OR5AS1: variants seen among roughly 807,000 people sequenced by gnomAD.
OR5AS1 encodes the protein olfactory receptor 5AS1.
For missense variants in OR5AS1, 492 were observed against 378.2 expected (o/e 1.30, Z -2.50); for synonymous variants, 196 against 141.7 (o/e 1.38, Z -2.72).
In OR5AS1 at chr11:56,037,424, A is replaced by G. The variant is rs957826640; in HGVS notation, c.*6031A>G. On this transcript the variant is annotated 3_prime_UTR_variant, in exon 2 of 2. Coordinates refer to ENST00000641320, the MANE Select transcript of OR5AS1 (RefSeq NM_001001921.2). The stretch of plus-strand genomic sequence containing the variant: ...AGCAACTTCAGCAAAATGTCAGGAT[A>G]CAAAATCAATGTGCAAAAATCACAA... 10 of 152,178 alleles carry G rather than the reference A, an allele frequency of 6.6e-5. No homozygotes were observed. The highest frequency in any genetic ancestry group is 5.9e-5 in the Non-Finnish European group (4 of 68,044). 9.4% of individuals were successfully genotyped at this position (152,178 alleles called of 1,614,324 possible). A position where few individuals can be genotyped will look rare whatever the true frequency, so the allele number is the denominator to read the frequency against.
Position 56,038,021 on chromosome 11 carries a change from A to C in OR5AS1, c.*6628A>C, listed in dbSNP as rs992103361. The C allele has an allele frequency of 6.6e-6, 1 of 152,194 alleles. No individual in the cohort carries two copies. The highest frequency in any genetic ancestry group is 2.4e-5 in the African/African-American group (1 of 41,410). The allele number at this position is 152,194 out of a possible 1,614,324, so 9.4% of individuals were successfully genotyped here. On this transcript the variant is annotated 3_prime_UTR_variant, in exon 2 of 2. Transcript: ENST00000641320. ...CCTGACAAAAACAAGCAATGAGGAA[A>C]GGATTCCCTATTTAATAAATGGTGT...
At position 56,033,334 on chromosome 11, in the gene OR5AS1, A is replaced by C. The variant is rs900021713; in HGVS notation, c.*1941A>C. On this transcript the variant is annotated 3_prime_UTR_variant, in exon 2 of 2. Coordinates refer to ENST00000641320, the MANE Select transcript of OR5AS1 (RefSeq NM_001001921.2). ...AGGGAGCCAAGTGGTCTAGCTCAGC[A>C]GATCCCACCCCCATGGAGCCCAGCA... The C allele has an allele frequency of 6.5e-6, 1 of 153,102 alleles. No individual in the cohort carries two copies. Among genetic ancestry groups the C allele is most frequent in the Admixed American group, 6.5e-5 (1 of 15,276 alleles). The allele number at this position is 153,102 out of a possible 1,614,324, so 9.5% of individuals were successfully genotyped here.
chr11:56,028,511 G>C (rs1355887765), intron 1 of OR5AS1, among the ~76,000 whole-genome samples: 1 of 152,056 alleles, frequency 6.6e-6, no homozygotes, highest in Non-Finnish European at 1.5e-5. Context: ...AGCAAATAAA[G>C]TTTATTAATA....
In OR5AS1 at chr11:56,034,972, T is replaced by C. The variant is rs529856198; in HGVS notation, c.*3579T>C. On this transcript the variant is annotated 3_prime_UTR_variant, in exon 2 of 2. Transcript: ENST00000641320. Reference sequence around the variant, plus strand: ...GTGAGTGGGGGCCAATATCCAACAGTCTTAAAGAAAAGAATTTTAAATGCA... The same window carrying C: ...GTGAGTGGGGGCCAATATCCAACAGCCTTAAAGAAAAGAATTTTAAATGCA... 6.6e-6 allele frequency: 1 copy of C among 152,126 alleles called. No homozygotes were observed. The highest frequency in any genetic ancestry group is 2.4e-5 in the African/African-American group (1 of 41,454). 9.4% of individuals were successfully genotyped at this position (152,126 alleles called of 1,614,324 possible).
In OR5AS1 at chr11:56,027,720, A is replaced by AT. The variant is rs907413664; in HGVS notation, c.-29+14dup. ...GTTCTTGATGGTGCTGAGGTAAGTG[A>AT]TTTTTTCCCTAAAGCATTAACAAAA... On this transcript the variant is annotated intron_variant, in intron 1 of 1. Transcript: ENST00000641320. 2.2e-4 allele frequency: 33 copies of AT among 151,964 alleles called. No homozygotes were observed. The highest frequency in any genetic ancestry group is 7.0e-4 in the African/African-American group (29 of 41,328). The allele number at this position is 151,964 out of a possible 1,614,324, so 9.4% of individuals were successfully genotyped here.
chr11:56,031,646 G>T lies in OR5AS1; in HGVS notation c.*253G>T, dbSNP rs1326560667. 1 of 282,152 alleles carries T rather than the reference G, an allele frequency of 3.5e-6. No homozygotes were observed. The highest frequency in any genetic ancestry group is 6.9e-5 in the East Asian group (1 of 14,472). The allele number at this position is 282,152 out of a possible 1,614,324, so 17.5% of individuals were successfully genotyped here. On this transcript the variant is annotated 3_prime_UTR_variant, in exon 2 of 2. Transcript: ENST00000641320. ...GTACATTGATTCTGTTCTTTACGAT[G>T]TTGTATTGAAGGTAAATATTGACTT... is the stretch of plus-strand genomic sequence containing the variant.
rs186626466 is a variant in OR5AS1, at chr11:56,031,370, C to T, written c.952C>T (p.Arg318Cys). 35 of 1,543,110 alleles carry T rather than the reference C, an allele frequency of 2.3e-5. No individual in the cohort carries two copies. Among genetic ancestry groups the T allele is most frequent in the African/African-American group, 2.7e-5 (2 of 73,108 alleles). ...ATATTCAAATGAATGGTATTTAAAT[C>T]GTTTAAGAATAGTCAATATCTAACT... is the stretch of plus-strand genomic sequence containing the variant. ...IGYSNEWYLN[R>C]LRIVNI Residue 318 changes from arginine to cysteine, a missense_variant, in exon 2 of 2, where the codon CGT becomes TGT. Arg to Cys is a radical substitution (Grantham distance 180). Coordinates refer to ENST00000641320, the MANE Select transcript of OR5AS1 (RefSeq NM_001001921.2).
At chr11:56,029,847 A>T (rs138554007) in intron 1 of OR5AS1, among the ~76,000 whole-genome samples, 1 of 152,102 alleles carries the variant, frequency 6.6e-6, no homozygotes, top group African/African-American at 2.4e-5. Flanking sequence ...AACAGTAAAT[A>T]GCAAAGCCAA....
rs768761377 is a variant in OR5AS1, at chr11:56,038,165, C to T, written c.*6772C>T. Reference sequence around the variant, plus strand: ...AACATAAAACCATCAACACGCTGAACCATGCACTTGCCTTGCTATTGATGG... The same window carrying T: ...AACATAAAACCATCAACACGCTGAATCATGCACTTGCCTTGCTATTGATGG... On this transcript the variant is annotated 3_prime_UTR_variant, in exon 2 of 2. Coordinates refer to ENST00000641320, the MANE Select transcript of OR5AS1 (RefSeq NM_001001921.2). The T allele has an allele frequency of 2.6e-5, 4 of 152,042 alleles. No individual in the cohort carries two copies. The highest frequency in any genetic ancestry group is 5.9e-5 in the Non-Finnish European group (4 of 67,992). 9.4% of individuals were successfully genotyped at this position (152,042 alleles called of 1,614,324 possible).
Position 56,031,135 on chromosome 11 carries a change from C to T in OR5AS1, c.717C>T (p.Ser239=), listed in dbSNP as rs1419162758. The T allele has an allele frequency of 1.9e-6, 3 of 1,613,930 alleles. No homozygotes were observed. The highest frequency in any genetic ancestry group is 1.7e-6 in the Non-Finnish European group (2 of 1,180,014). ...CAGGTGGCAGAAGCAAAACATTCTC[C>T]ACTTGTGCTTCCCACCTCATAGCAG... The part of the protein sequence containing the change: ...KSSGGRSKTF[S]TCASHLIAVT... The change falls in exon 2 of 2, where the codon TCC becomes TCT. Residue 239 remains serine (S), a synonymous_variant. Transcript: ENST00000641320.
Position 56,034,805 on chromosome 11 carries a change from A to T in OR5AS1, c.*3412A>T, listed in dbSNP as rs890031245. ...CAAGAAGAGCAACCCCCAGACACATAATCATCAGATTCACCAAGGTGGAAA... is the reference window on the plus strand; with the variant it reads ...CAAGAAGAGCAACCCCCAGACACATTATCATCAGATTCACCAAGGTGGAAA... On this transcript the variant is annotated 3_prime_UTR_variant, in exon 2 of 2. Coordinates refer to ENST00000641320, the MANE Select transcript of OR5AS1 (RefSeq NM_001001921.2). 1.3e-5 allele frequency: 2 copies of T among 152,122 alleles called. No homozygotes were observed. Among genetic ancestry groups the T allele is most frequent in the African/African-American group, 2.4e-5 (1 of 41,358 alleles). 9.4% of individuals were successfully genotyped at this position (152,122 alleles called of 1,614,324 possible).
Position 56,030,426 on chromosome 11 carries a change from A to C in OR5AS1, c.8A>C (p.Glu3Ala), listed in dbSNP as rs777446942. 1.0e-5 allele frequency: 15 copies of C among 1,459,452 alleles called. No individual in the cohort carries two copies. Among genetic ancestry groups the C allele is most frequent in the Non-Finnish European group, 1.0e-5 (11 of 1,103,190 alleles). The allele number at this position is 1,459,452 out of a possible 1,614,324, so 90.4% of individuals were successfully genotyped here. Residue 3 changes from glutamate to alanine, a missense_variant, in exon 2 of 2, where the codon GAG becomes GCG. Physicochemically the swap from Glu to Ala is moderately radical, Grantham distance 107. Coordinates refer to ENST00000641320, the MANE Select transcript of OR5AS1 (RefSeq NM_001001921.2). Reference sequence around the variant, plus strand: ...AAAAACAAGAAAACTAAGATGTTGGAGAGTAATTACACCATGCCAACTGAG... The same window carrying C: ...AAAAACAAGAAAACTAAGATGTTGGCGAGTAATTACACCATGCCAACTGAG... ML[E>A]SNYTMPTEFL... is the part of the protein sequence containing the mutation.
In OR5AS1 at chr11:56,035,957, T is replaced by C. The variant is rs1428561798; in HGVS notation, c.*4564T>C. The C allele has an allele frequency of 1.3e-5, 2 of 152,060 alleles. No homozygotes were observed. The highest frequency in any genetic ancestry group is 2.4e-5 in the African/African-American group (1 of 41,358). 9.4% of individuals were successfully genotyped at this position (152,060 alleles called of 1,614,324 possible). A position where few individuals can be genotyped will look rare whatever the true frequency, so the allele number is the denominator to read the frequency against. ...CTCTCAGACCACAGTGCAATCAAAT[T>C]AGAACTCAGGATTAAGAAACTCACT... On this transcript the variant is annotated 3_prime_UTR_variant, in exon 2 of 2. Coordinates refer to ENST00000641320, the MANE Select transcript of OR5AS1 (RefSeq NM_001001921.2).
At position 56,033,080 on chromosome 11, in the gene OR5AS1, G is replaced by A. The variant is rs963230315; in HGVS notation, c.*1687G>A. ...CATGAAGGACTGTGCCATGAGGAAC[G>A]GGTGCACTCTGGCCCAGATACTATG... On this transcript the variant is annotated 3_prime_UTR_variant, in exon 2 of 2. Coordinates refer to ENST00000641320, the MANE Select transcript of OR5AS1 (RefSeq NM_001001921.2). 75 of 152,324 alleles carry A rather than the reference G, an allele frequency of 4.9e-4. No individual in the cohort carries two copies. The highest frequency in any genetic ancestry group is 1.4e-3 in the African/African-American group (57 of 41,362). 9.4% of individuals were successfully genotyped at this position (152,324 alleles called of 1,614,324 possible). A position where few individuals can be genotyped will look rare whatever the true frequency, so the allele number is the denominator to read the frequency against.
At position 56,031,745 on chromosome 11, in the gene OR5AS1, C is replaced by A. The variant is rs1443045508; in HGVS notation, c.*352C>A. The A allele has an allele frequency of 5.9e-6, 1 of 170,842 alleles. No individual in the cohort carries two copies. The highest frequency in any genetic ancestry group is 5.6e-5 in the Admixed American group (1 of 17,894). The allele number at this position is 170,842 out of a possible 1,614,324, so 10.6% of individuals were successfully genotyped here. On this transcript the variant is annotated 3_prime_UTR_variant, in exon 2 of 2. Transcript: ENST00000641320. ...TATATTGGCTTGTTTTTTCCACCAC[C>A]TGTTTGGCACCTGGTATACTGCATG...
rs1853340265 is a variant in OR5AS1, at chr11:56,030,795, T to G, written c.377T>G (p.Ile126Ser). The change falls in exon 2 of 2, where the codon ATC (isoleucine) becomes AGC (serine). Residue 126 changes from isoleucine to serine, a missense_variant. Physicochemically the swap from Ile to Ser is moderately radical, Grantham distance 142 (BLOSUM62 -2). Coordinates refer to ENST00000641320, the MANE Select transcript of OR5AS1 (RefSeq NM_001001921.2). ...AAMAYDRYAA[I>S]CNPLLYTTLM... ...ATGGCTTATGACCGCTATGCAGCCA[T>G]CTGCAACCCACTGCTCTATACTACA... 2 of 1,614,094 alleles carry G rather than the reference T, an allele frequency of 1.2e-6. No homozygotes were observed. The highest frequency in any genetic ancestry group is 1.7e-6 in the Non-Finnish European group (2 of 1,179,984).
rs182122754 is a variant in OR5AS1, at chr11:56,035,459, A to G, written c.*4066A>G. On this transcript the variant is annotated 3_prime_UTR_variant, in exon 2 of 2. Transcript: ENST00000641320. ...TGGATAGCAAATAAAGAAAAAAGAA[A>G]AAAAAAACAACAAAGCACAGGGGTT... is the stretch of plus-strand genomic sequence containing the variant. 1 of 152,166 alleles carries G rather than the reference A, an allele frequency of 6.6e-6. No individual in the cohort carries two copies. The highest frequency in any genetic ancestry group is 1.5e-5 in the Non-Finnish European group (1 of 67,992). The allele number at this position is 152,166 out of a possible 1,614,324, so 9.4% of individuals were successfully genotyped here. A position where few individuals can be genotyped will look rare whatever the true frequency, so the allele number is the denominator to read the frequency against.
At position 56,030,844 on chromosome 11, in the gene OR5AS1, C is replaced by T; in HGVS notation, c.426C>T (p.Val142=). Residue 142 remains valine, a synonymous_variant, in exon 2 of 2, where the codon GTC becomes GTT. Coordinates refer to ENST00000641320, the MANE Select transcript of OR5AS1 (RefSeq NM_001001921.2). ...CACTGATGTCTAGGAGAGTCTGTGTCTGCTTCATTGTGTTGGCATATTTCA... is the reference window on the plus strand; with the variant it reads ...CACTGATGTCTAGGAGAGTCTGTGTTTGCTTCATTGTGTTGGCATATTTCA... ...YTTLMSRRVC[V]CFIVLAYFSG... is the part of the protein sequence containing the mutation. 1 of 1,613,918 alleles carries T rather than the reference C, an allele frequency of 6.2e-7. No individual in the cohort carries two copies. Among genetic ancestry groups the T allele is most frequent in the Non-Finnish European group, 8.5e-7 (1 of 1,179,832 alleles).
At chr11:56,029,119 C>A (rs1472252584) in intron 1 of OR5AS1, among the ~76,000 whole-genome samples, 2 of 151,958 alleles carry the variant, frequency 1.3e-5, no homozygotes, top group Non-Finnish European at 2.9e-5. Context: ...AGATTCCTTG[C>A]CATTTGGCTG....
Sources: allele counts gnomAD v4.1 joint callset (sites outside exome capture counted in the v4.1 genomes callset), GRCh38; gene constraint gnomAD v4.1.1; transcripts MANE v1.5; gene names NCBI Gene and HGNC (gene_info 2026-07-23, HGNC 2026-07-21).